EEIG2: variants seen among roughly 807,000 people sequenced by gnomAD.
EEIG2 encodes family with sequence similarity 102 member B.
At chr1:108,622,435 A>G in the EEIG2 span, among the ~76,000 whole-genome samples, 2 of 152,184 alleles carry the variant, frequency 1.3e-5, no homozygotes, top group Non-Finnish European at 2.9e-5. Flanking sequence ...TGGAGAAGAG[A>G]TGATGAATAG....
chr1:108,581,799 C>T, the EEIG2 span, among the ~76,000 whole-genome samples: 1 of 152,112 alleles, frequency 6.6e-6, no homozygotes, highest in African/African-American at 2.4e-5. Context: ...TTGTTAAACT[C>T]ACAGCAAAGG....
the EEIG2 span, among the ~76,000 whole-genome samples, chr1:108,584,005 C>T: frequency 6.6e-6 from 1 of 151,846 alleles, no homozygotes; most frequent in Non-Finnish European, 1.5e-5. Context: ...ATTTGGCAAT[C>T]AGCAAGTCTT....
chr1:108,587,467 G>T, the EEIG2 span, among the ~76,000 whole-genome samples: 1 of 152,190 alleles, frequency 6.6e-6, no homozygotes, highest in Admixed American at 6.5e-5. Context: ...ACTTGGTGTT[G>T]TCCATTCTGT....
chr1:108,573,512 G>A, the EEIG2 span, among the ~76,000 whole-genome samples: 2 of 152,196 alleles, frequency 1.3e-5, no homozygotes, highest in Non-Finnish European at 1.5e-5. Context: ...GGCCTTTAGT[G>A]ATGAGGATAT....
chr1:108,573,930 A>G, the EEIG2 span, among the ~76,000 whole-genome samples: 2 of 152,236 alleles, frequency 1.3e-5, no homozygotes, highest in East Asian at 3.8e-4. Flanking sequence ...ACCCTTTTGC[A>G]TTGTTGGGAA....
the EEIG2 span, among the ~76,000 whole-genome samples, chr1:108,632,083 C>T: frequency 2.2e-5 from 3 of 135,834 alleles, no homozygotes; most frequent in African/African-American, 8.5e-5. Flanking sequence ...CACTGCACTC[C>T]AGCCTGGGCG....
At chr1:108,584,817 A>G in the EEIG2 span, among the ~76,000 whole-genome samples, 3 of 152,142 alleles carry the variant, frequency 2.0e-5, no homozygotes, top group African/African-American at 7.2e-5. Context: ...GTACCTGAAT[A>G]TCTTATGTGG....
the EEIG2 span, chr1:108,627,996 T>A: frequency 1.7e-6 from 1 of 586,300 alleles, no homozygotes; most frequent in Non-Finnish European, 3.1e-6. Context: ...ACTTTGTATA[T>A]CTTGCAATAC....
At chr1:108,612,236 G>A in the EEIG2 span, 524 of 1,613,510 alleles carry the variant, frequency 3.2e-4, 1 homozygote, top group Non-Finnish European at 4.1e-4. Context: ...ACCACTCGCC[G>A]CTGTTTACTG....
chr1:108,615,205 A>G, the EEIG2 span, among the ~76,000 whole-genome samples: 2 of 152,116 alleles, frequency 1.3e-5, no homozygotes, highest in South Asian at 2.1e-4. Context: ...TTTACTAGTT[A>G]TCTGGTTTTT....
the EEIG2 span, among the ~76,000 whole-genome samples, chr1:108,572,264 CT>C: frequency 1.5e-4 from 23 of 152,134 alleles, no homozygotes; most frequent in African/African-American, 5.6e-4. Flanking sequence ...TCTGCCTGCC[CT>C]TTTTTTATAG....
chr1:108,623,852 A>G, the EEIG2 span, among the ~76,000 whole-genome samples: 1 of 151,878 alleles, frequency 6.6e-6, no homozygotes, highest in Non-Finnish European at 1.5e-5. Flanking sequence ...TTGTATTTTT[A>G]GTAGAGACTG....
chr1:108,575,531 T>C, the EEIG2 span, among the ~76,000 whole-genome samples: 1 of 152,224 alleles, frequency 6.6e-6, no homozygotes, highest in African/African-American at 2.4e-5. Context: ...AGCACCATTA[T>C]TTATAACAGC....
chr1:108,636,414 A>G, the EEIG2 span: 1 of 152,248 alleles, frequency 6.6e-6, no homozygotes, highest in African/African-American at 2.4e-5. Flanking sequence ...TATCCAAGAA[A>G]GACAATATGT....
chr1:108,615,540 C>T, the EEIG2 span, among the ~76,000 whole-genome samples: 1 of 145,946 alleles, frequency 6.9e-6, no homozygotes, highest in South Asian at 2.2e-4. Context: ...TTTGGGAGGC[C>T]AAGGGGTAGG....
chr1:108,628,348 A>G, the EEIG2 span: 1 of 1,611,412 alleles, frequency 6.2e-7, no homozygotes, highest in East Asian at 2.2e-5. Flanking sequence ...GTCAGATTGC[A>G]GAGTGTTTGA....
At chr1:108,560,405 G>C in the EEIG2 span, 297 of 1,549,412 alleles carry the variant, frequency 1.9e-4, 1 homozygote, top group African/African-American at 3.7e-3. Context: ...CGTGCGCCCA[G>C]CTTGCAGGCG....
At chr1:108,573,272 G>A in the EEIG2 span, among the ~76,000 whole-genome samples, 1 of 152,216 alleles carries the variant, frequency 6.6e-6, no homozygotes, top group South Asian at 2.1e-4. Flanking sequence ...CATTATACTA[G>A]TAGTAAGTGA....
the EEIG2 span, among the ~76,000 whole-genome samples, chr1:108,609,903 C>T: frequency 5.5e-4 from 82 of 149,176 alleles, no homozygotes; most frequent in East Asian, 0.014. Flanking sequence ...TGGGGCCTGT[C>T]GGGAGGGGGC....
Sources: allele counts gnomAD v4.1 joint callset (sites outside exome capture counted in the v4.1 genomes callset), GRCh38; gene constraint gnomAD v4.1.1; transcripts MANE v1.5; gene names NCBI Gene and HGNC (gene_info 2026-07-23, HGNC 2026-07-21).